ADGRG6: variants seen among roughly 807,000 people sequenced by gnomAD.
The protein encoded by ADGRG6 is G-protein coupled receptor 126.
A neutral mutation model predicts 142.4 loss-of-function variants in ADGRG6; 84 were observed. That is an observed-to-expected ratio of 0.59 (90% CI 0.49 to 0.71). The LOEUF (loss-of-function observed/expected upper bound fraction) is 0.71, where lower values mean the gene tolerates loss of function less well. Among genes scored for constraint, ADGRG6 ranks in the 30% least tolerant of loss-of-function variants. The pLI is 0.00. For missense variants in ADGRG6, 1,367 were observed against 1,466.6 expected (o/e 0.93, Z 1.11); for synonymous variants, 521 against 520.5 (o/e 1.00, Z -0.01).
chr6:142,306,133 A>G (rs1330040132), intron 1 of ADGRG6, among the ~76,000 whole-genome samples: 1 of 152,196 alleles, frequency 6.6e-6, no homozygotes, highest in Non-Finnish European at 1.5e-5. Context: ...TATTGATTGC[A>G]TTAGTATCGT....
At chr6:142,435,587 T>C (rs879683597) in intron 22 of ADGRG6, among the ~76,000 whole-genome samples, 13 of 152,338 alleles carry the variant, frequency 8.5e-5, no homozygotes, top group Admixed American at 5.9e-4. Flanking sequence ...ACATGATTGA[T>C]TGATCTTGGT....
chr6:142,362,734 T>G (rs1423041474), intron 2 of ADGRG6, among the ~76,000 whole-genome samples: 1 of 152,212 alleles, frequency 6.6e-6, no homozygotes, highest in African/African-American at 2.4e-5. Flanking sequence ...TCTAAAATGT[T>G]ATTGATATTT....
At chr6:142,422,871 A>T (rs1191726740) in intron 22 of ADGRG6, among the ~76,000 whole-genome samples, 7 of 138,736 alleles carry the variant, frequency 5.0e-5, no homozygotes, top group African/African-American at 1.9e-4. Context: ...CTGGTGTGAG[A>T]TGGTATCTCA....
At chr6:142,442,137 A>G (rs1777782444) in intron 24 of ADGRG6, among the ~76,000 whole-genome samples, 1 of 152,220 alleles carries the variant, frequency 6.6e-6, no homozygotes, top group Admixed American at 6.5e-5. Flanking sequence ...TGAGTCCAGC[A>G]TACTCAAAAT....
chr6:142,393,857 G>C (rs1775032801), intron 8 of ADGRG6, 39 bp from the exon 9 acceptor site: 1 of 1,220,774 alleles, frequency 8.2e-7, no homozygotes, highest in African/African-American at 1.5e-5. Context: ...GATGTAGTTG[G>C]TGAGGTGGAT....
intron 8 of ADGRG6, among the ~76,000 whole-genome samples, chr6:142,393,634 C>T (rs114890948): frequency 0.012 from 1,805 of 152,212 alleles, 38 homozygotes; most frequent in African/African-American, 0.04. Context: ...TCAGGAAGTA[C>T]GTTATTGTAC....
rs116624169 is a variant in ADGRG6 at position 142,327,642 on chromosome 6, A to G, written c.103+17998A>G. ...TCTCTGCAAGAGTATTATGTAACCA[A>G]TCTTTATTCATCCTATTTGGGAAGT... On this transcript the variant is annotated intron_variant, in intron 2 of 24. Coordinates refer to ENST00000367609, the MANE Select transcript of ADGRG6 (RefSeq NM_198569.3). Among the ~76,000 whole-genome samples the G allele has an allele frequency of 4.9e-3, 745 of 152,160 alleles. 10 individuals carry two copies. Among genetic ancestry groups the G allele is most frequent in the African/African-American group, 0.017 (706 of 41,512 alleles).
At chr6:142,408,819 C>G (rs370009340) in intron 16 of ADGRG6, among the ~76,000 whole-genome samples, 12 of 152,156 alleles carry the variant, frequency 7.9e-5, no homozygotes, top group African/African-American at 2.9e-4. Flanking sequence ...GTTTTTCTCA[C>G]TTTTCCAAAG....
At chr6:142,425,523 G>A (rs956201268) in intron 22 of ADGRG6, among the ~76,000 whole-genome samples, 1 of 152,166 alleles carries the variant, frequency 6.6e-6, no homozygotes, top group African/African-American at 2.4e-5. Flanking sequence ...AATGGCTAAA[G>A]CTTTAGAATG....
At chr6:142,351,749 A>C (rs1780185798) in intron 2 of ADGRG6, among the ~76,000 whole-genome samples, 1 of 152,198 alleles carries the variant, frequency 6.6e-6, no homozygotes, top group South Asian at 2.1e-4. Flanking sequence ...CTATTAGCAG[A>C]AGAAACAGAC....
intron 20 of ADGRG6, among the ~76,000 whole-genome samples, 185 bp downstream of exon 20, chr6:142,416,249 C>T: frequency 6.6e-6 from 1 of 152,082 alleles, no homozygotes; most frequent in Admixed American, 6.6e-5. Flanking sequence ...TTTTAAAACT[C>T]ATCAACAGCA....
chr6:142,425,087 A>T (rs1776874251), intron 22 of ADGRG6, among the ~76,000 whole-genome samples: 2 of 152,206 alleles, frequency 1.3e-5, no homozygotes, highest in Non-Finnish European at 2.9e-5. Flanking sequence ...GATAGTGACA[A>T]AGCAGAGAGG....
At chr6:142,440,914 T>C (rs1375759577) in intron 24 of ADGRG6, 5 of 1,460,958 alleles carry the variant, frequency 3.4e-6, no homozygotes, top group Middle Eastern at 1.7e-4. Context: ...ATAGATAATG[T>C]CTCCTATGAG....
intron 2 of ADGRG6, among the ~76,000 whole-genome samples, chr6:142,310,037 CTT>C (rs1777689243): frequency 6.6e-6 from 1 of 151,782 alleles, no homozygotes; most frequent in African/African-American, 2.4e-5. Context: ...AAAGTACAGA[CTT>C]TGCTAGTTTC....
At chr6:142,407,244 A>G (rs933541193) in intron 15 of ADGRG6, among the ~76,000 whole-genome samples, 2 of 151,412 alleles carry the variant, frequency 1.3e-5, no homozygotes, top group Admixed American at 1.3e-4. Flanking sequence ...AAAAAACTTT[A>G]AAGGTTCTGT....
intron 6 of ADGRG6, among the ~76,000 whole-genome samples, chr6:142,387,750 G>A (rs1240859522): frequency 6.6e-6 from 1 of 152,122 alleles, no homozygotes; most frequent in Non-Finnish European, 1.5e-5. Flanking sequence ...AAGATTAATT[G>A]GAGAGAGACC....
intron 2 of ADGRG6, among the ~76,000 whole-genome samples, chr6:142,336,604 A>G (rs917189165): frequency 3.3e-5 from 5 of 152,188 alleles, no homozygotes; most frequent in African/African-American, 1.2e-4. Flanking sequence ...AACATCCACC[A>G]TATGTATATT....
intron 7 of ADGRG6, among the ~76,000 whole-genome samples, chr6:142,390,951 A>G (rs1476033629): frequency 6.6e-6 from 1 of 151,864 alleles, no homozygotes; most frequent in African/African-American, 2.4e-5. Flanking sequence ...CAGATTTGCA[A>G]CATTAGAGAA....
intron 6 of ADGRG6, among the ~76,000 whole-genome samples, chr6:142,388,789 A>G (rs1310705159): frequency 2.0e-5 from 3 of 152,072 alleles, no homozygotes; most frequent in Non-Finnish European, 2.9e-5. Context: ...GTAAAGTTGA[A>G]TGATCTTGAA....
Sources: allele counts gnomAD v4.1 joint callset (sites outside exome capture counted in the v4.1 genomes callset), GRCh38; gene constraint gnomAD v4.1.1; transcripts MANE v1.5; gene names NCBI Gene and HGNC (gene_info 2026-07-23, HGNC 2026-07-21).